The following HSPG2 variants were observed in gnomAD, a reference collection of about 807,000 sequenced individuals.
The protein encoded by HSPG2 is heparan sulfate proteoglycan 2.
Under a neutral mutation model 526.6 loss-of-function variants are expected in HSPG2, and 278 were observed. The ratio of observed to expected loss-of-function variants is 0.53; its 90% confidence interval spans 0.48 to 0.58. HSPG2 has a LOEUF of 0.58. Ranked by LOEUF, HSPG2 falls within the 20% of genes least tolerant of loss-of-function variation. The pLI is 0.00. For synonymous variants in HSPG2, 2,465 were observed against 2,555.4 expected, an observed-to-expected ratio of 0.96 and a Z score of 1.07; for missense variants, 5,354 against 6,099.5, an observed-to-expected ratio of 0.88 and a Z score of 4.07.
chr1:21,869,453 C>T, intron 33 of HSPG2: 4 of 986,236 alleles, frequency 4.1e-6, no homozygotes, highest in Non-Finnish European at 4.8e-6. Context: ...TTGATGGGCA[C>T]CTTGGCACAT....
At chr1:21,846,943 T>G (rs975326893) in intron 62 of HSPG2, among the ~76,000 whole-genome samples, 5 of 151,606 alleles carry the variant, frequency 3.3e-5, no homozygotes, top group Admixed American at 1.3e-4. Flanking sequence ...GAAGTTGCAG[T>G]GAGTTGAGAT....
At chr1:21,881,589 G>A in intron 13 of HSPG2, 87 bp from the exon 14 acceptor site, 2 of 1,209,428 alleles carry the variant, frequency 1.7e-6, no homozygotes, top group East Asian at 4.7e-5. Context: ...AGAAAGGTGG[G>A]AAAGTTCTAG....
chr1:21,855,921 G>T lies in HSPG2; in HGVS notation c.5576-9C>A. The T allele has an allele frequency of 6.2e-7, 1 of 1,606,876 alleles. No individual in the cohort carries two copies. Reference sequence around the variant, plus strand: ...GGACAAGGTGCCCGAGGCTGACAAGGGAGGAAAAGGAACATGCACTCAGGG... The same window carrying T: ...GGACAAGGTGCCCGAGGCTGACAAGTGAGGAAAAGGAACATGCACTCAGGG... On this transcript the variant is annotated splice_polypyrimidine_tract_variant and intron_variant, in intron 44 of 96. Coordinates refer to ENST00000374695, the MANE Select transcript of HSPG2 (RefSeq NM_005529.7).
intron 6 of HSPG2, chr1:21,888,644 C>A (rs1642125814): frequency 1.5e-6 from 2 of 1,360,786 alleles, no homozygotes; most frequent in Non-Finnish European, 2.0e-6. Context: ...CCTGGCTGGG[C>A]CTCGGCCTGG....
In HSPG2 at chr1:21,842,098, C is replaced by G. The variant is rs138424698; in HGVS notation, c.9097G>C (p.Val3033Leu). The G allele has an allele frequency of 2.5e-6, 4 of 1,613,622 alleles. No homozygotes were observed. The highest frequency in any genetic ancestry group is 3.4e-6 in the Non-Finnish European group (4 of 1,180,000). Residue 3033 changes from valine to leucine, a missense_variant, in exon 69 of 97, where the codon GTG (valine) becomes CTG (leucine). Coordinates refer to ENST00000374695, the MANE Select transcript of HSPG2 (RefSeq NM_005529.7). ...VISIDPPSST[V>L]QQGQDASFKC... ...AAGCTGGCATCCTGGCCCTGCTGCA[C>G]GGTGCTGCTGGGCGGGTCGATGGAG...
rs1304320864 is a variant in HSPG2, at chr1:21,880,151, T to C, written c.2299A>G (p.Asn767Asp). 1 of 1,614,112 alleles carries C rather than the reference T, an allele frequency of 6.2e-7. No individual in the cohort carries two copies. Among genetic ancestry groups the C allele is most frequent in the Non-Finnish European group, 8.5e-7 (1 of 1,179,998 alleles). The change falls in exon 17 of 97, where the codon AAT (asparagine) becomes GAT (aspartate). Residue 767 changes from asparagine to aspartate, a missense_variant. Asn to Asp is a conservative substitution (Grantham distance 23, BLOSUM62 1). Transcript: ENST00000374695. Reference sequence around the variant, plus strand: ...GGGTCACAGGAGCTGGCATGGCCATTGCAATTGCAACCAGAGCAGGTGCCC... The same window carrying C: ...GGGTCACAGGAGCTGGCATGGCCATCGCAATTGCAACCAGAGCAGGTGCCC... ...YLGTCSGCNC[N>D]GHASSCDPVY...
At position 21,864,271 on chromosome 1, in the gene HSPG2, A is replaced by C. The variant is rs373102917; in HGVS notation, c.4627-58T>G. ...CCAACGTGCCCCACCCACAGCCAGC[A>C]GACCCAGAACCCCTCCCTCCAGTGT... On this transcript the variant is annotated intron_variant, in intron 36 of 96. Coordinates refer to ENST00000374695, the MANE Select transcript of HSPG2 (RefSeq NM_005529.7). This position sits in a 1 kb window ranked among gnomAD's most constrained non-coding sequence, Gnocchi z 4.8. 6 of 1,402,288 alleles carry C rather than the reference A, an allele frequency of 4.3e-6. No homozygotes were observed. The highest frequency in any genetic ancestry group is 1.4e-5 in the African/African-American group (1 of 70,142). The allele number at this position is 1,402,288 out of a possible 1,614,324, so 86.9% of individuals were successfully genotyped here. A position where few individuals can be genotyped will look rare whatever the true frequency, so the allele number is the denominator to read the frequency against.
intron 33 of HSPG2, chr1:21,868,847 T>G (rs767854567): frequency 4.0e-5 from 30 of 744,812 alleles, no homozygotes; most frequent in Non-Finnish European, 4.6e-5. Context: ...ATTTTGGGAT[T>G]CTATGACACC....
Position 21,844,252 on chromosome 1 carries a change from C to T in HSPG2, c.8512G>A (p.Val2838Met). The T allele has an allele frequency of 6.2e-7, 1 of 1,613,740 alleles. No homozygotes were observed. Among genetic ancestry groups the T allele is most frequent in the Non-Finnish European group, 8.5e-7 (1 of 1,180,014 alleles). The change falls in exon 65 of 97, where the codon GTG (valine) becomes ATG (methionine). Residue 2838 changes from valine (V) to methionine (M), a missense_variant. Coordinates refer to ENST00000374695, the MANE Select transcript of HSPG2 (RefSeq NM_005529.7). The stretch of plus-strand genomic sequence containing the variant: ...AGATCCAGGGTCTGCCCTTCTGCCA[C>T]TCGGGAGGAGGAGGGCTCGATGCGG... ...PIRIEPSSSRVAEGQTLDLKC... is the reference protein window; with the variant it reads ...PIRIEPSSSRMAEGQTLDLKC...
intron 2 of HSPG2, 56 bp from the exon 3 acceptor site, chr1:21,896,022 T>C: frequency 1.9e-6 from 3 of 1,596,900 alleles, no homozygotes; most frequent in Non-Finnish European, 2.6e-6. Flanking sequence ...GAGTACCTAC[T>C]GGGTGTCAGG....
In HSPG2 at chr1:21,937,244, C is replaced by T. The variant is rs1282180634; in HGVS notation, c.-27G>A. On this transcript the variant is annotated 5_prime_UTR_variant, in exon 1 of 97. Transcript: ENST00000374695. ...GCCCGGCCCGCGCCGCTCTCTCGCT[C>T]GCTCGCTCCGCGCCGCCCGCTCCGC... 1.1e-5 allele frequency: 10 copies of T among 917,696 alleles called. No individual in the cohort carries two copies. The Admixed American group carries it at 3.7e-4, about 34-fold the overall frequency. The allele number at this position is 917,696 out of a possible 1,614,324, so 56.8% of individuals were successfully genotyped here.
rs764006291 is a variant in HSPG2 at position 21,890,743 on chromosome 1, G to C, written c.245-49C>G. 2.1e-6 allele frequency: 3 copies of C among 1,410,072 alleles called. No homozygotes were observed. In the African/African-American group the frequency reaches 4.2e-5, roughly 20 times the overall value. 87.3% of individuals were successfully genotyped at this position (1,410,072 alleles called of 1,614,324 possible). On this transcript the variant is annotated intron_variant, in intron 3 of 96. Coordinates refer to ENST00000374695, the MANE Select transcript of HSPG2 (RefSeq NM_005529.7). The surrounding 1 kb of genome is among the most constrained non-coding windows in gnomAD (Gnocchi z 4.1). ...TTTGAGAGCCCCAGCCTGGCATCTA[G>C]TGGCCTTAGGCAGTTGGACCATTCA...
chr1:21,833,685 C>T (rs1557681938), intron 78 of HSPG2, 71 bp from the exon 79 acceptor site: 2 of 1,601,560 alleles, frequency 1.2e-6, no homozygotes, highest in East Asian at 2.2e-5. Context: ...CCATCTGTGC[C>T]TCAGGCCCAC....
chr1:21,862,236 A>G lies in HSPG2; in HGVS notation c.4741-121T>C, dbSNP rs1046410994. 22 of 1,150,222 alleles carry G rather than the reference A, an allele frequency of 1.9e-5. No homozygotes were observed. The Admixed American group carries it at 4.3e-4, about 23-fold the overall frequency. The allele number at this position is 1,150,222 out of a possible 1,614,324, so 71.3% of individuals were successfully genotyped here. A position where few individuals can be genotyped will look rare whatever the true frequency, so the allele number is the denominator to read the frequency against. On this transcript the variant is annotated intron_variant, in intron 37 of 96. Coordinates refer to ENST00000374695, the MANE Select transcript of HSPG2 (RefSeq NM_005529.7). The stretch of plus-strand genomic sequence containing the variant: ...GTGAACTCATCTTAAAGAAAGAATC[A>G]TGGAAGGGCACAAAGATTTCATTAC...
rs779144155 is a variant in HSPG2, at chr1:21,831,345, A to G, written c.11453-21T>C. ...ACAGCCTGGGAGGTGAGTGGGCAGG[A>G]TGAGCACAGGGCAGGGTGTCCCAGC... On this transcript the variant is annotated intron_variant, in intron 83 of 96. Coordinates refer to ENST00000374695, the MANE Select transcript of HSPG2 (RefSeq NM_005529.7). 5.0e-6 allele frequency: 8 copies of G among 1,610,830 alleles called. No individual in the cohort carries two copies. In the East Asian group the frequency reaches 1.3e-4, roughly 27 times the overall value.
chr1:21,879,226 G>C, intron 17 of HSPG2, 105 bp from the exon 18 acceptor site: 2 of 1,383,174 alleles, frequency 1.4e-6, no homozygotes, highest in East Asian at 4.6e-5. Context: ...TCACGCTGGA[G>C]GCACAGCTTT....
At chr1:21,854,525 C>T (rs1639178515) in intron 49 of HSPG2, 86 bp downstream of exon 49, 6 of 1,471,140 alleles carry the variant, frequency 4.1e-6, no homozygotes, top group Middle Eastern at 2.4e-4. Context: ...GGCAGTGTGC[C>T]GCCTCCCCCG....
chr1:21,920,631 T>G (rs1185165786), intron 1 of HSPG2, among the ~76,000 whole-genome samples: 1 of 152,182 alleles, frequency 6.6e-6, no homozygotes, highest in East Asian at 1.9e-4. Flanking sequence ...AACCTCAGCC[T>G]GCCTGCTTCA....
chr1:21,847,470 A>C lies in HSPG2; in HGVS notation c.8048T>G (p.Leu2683Trp). The change falls in exon 62 of 97, where the codon TTG (leucine) becomes TGG (tryptophan). Residue 2683 changes from leucine to tryptophan, a missense_variant. Transcript: ENST00000374695. This position sits in a 1 kb window ranked among gnomAD's most constrained non-coding sequence, Gnocchi z 4.1. ...RHQTHGSHLRLHQMSVADSGE... is the reference protein window; with the variant it reads ...RHQTHGSHLRWHQMSVADSGE... ...CGAGTCAGCCACAGACATTTGGTGC[A>C]ACCGCAGGTGGGAGCCATGGGTCTG... 6.2e-7 allele frequency: 1 copy of C among 1,613,934 alleles called. No individual in the cohort carries two copies. Among genetic ancestry groups the C allele is most frequent in the Non-Finnish European group, 8.5e-7 (1 of 1,180,034 alleles).
Sources: allele counts gnomAD v4.1 joint callset (sites outside exome capture counted in the v4.1 genomes callset), GRCh38; gene constraint gnomAD v4.1.1; non-coding constraint Gnocchi (gnomAD v3.1); transcripts MANE v1.5; gene names NCBI Gene and HGNC (gene_info 2026-07-23, HGNC 2026-07-21).